Variants in NDST1 observed in about 807,000 individuals in gnomAD.
The protein encoded by NDST1 is bifunctional heparan sulfate N-deacetylase/N-sulfotransferase 1.
NDST1 carries 35 observed loss-of-function variants against 92.8 expected under a neutral mutation model. The ratio of observed to expected loss-of-function variants is 0.38; its 90% CI spans 0.29 to 0.50. NDST1 has a LOEUF of 0.50. Among genes scored for constraint, NDST1 ranks in the 20% least tolerant of loss-of-function variants. NDST1 has a pLI of 0.94. For synonymous variants in NDST1, 493 were observed against 500.3 expected (o/e 0.99, Z 0.19); for missense variants, 822 against 1,182.7 (o/e 0.69, Z 4.47).
rs573844205 is a variant in NDST1, at chr5:150,546,561, G to C, written c.2145+1075G>C. Among the ~76,000 whole-genome samples, 6 of 152,368 alleles carry C rather than the reference G, an allele frequency of 3.9e-5. 1 individual carries two copies. Among genetic ancestry groups the C allele is most frequent in the Admixed American group, 3.9e-4 (6 of 15,312 alleles). On this transcript the variant is annotated intron_variant, in intron 11 of 14. Transcript: ENST00000261797. ...CAGGCCTGTGCTTGGTGTTGGGGAG[G>C]GGGTGGGGCCCTGGGTCTTAGCCCA...
chr5:150,536,416 G>C (rs1414027324), intron 6 of NDST1, among the ~76,000 whole-genome samples: 1 of 151,904 alleles, frequency 6.6e-6, no homozygotes, highest in Non-Finnish European at 1.5e-5. Flanking sequence ...TGAGGCAGGA[G>C]GATCACTTGA....
chr5:150,553,857 C>T lies in NDST1; in HGVS notation c.*525C>T, dbSNP rs1249289568. ...CTAGGCTGGATGGGAGGGTGGCCCC[C>T]TCAAGAGGACTCCCAGCCTCCACAT... On this transcript the variant is annotated 3_prime_UTR_variant, in exon 15 of 15. Transcript: ENST00000261797. The surrounding 1 kb of genome is among the most constrained non-coding windows in gnomAD (Gnocchi z 4.2). The T allele has an allele frequency of 1.4e-5, 6 of 431,982 alleles. No homozygotes were observed. The highest frequency in any genetic ancestry group is 2.0e-5 in the Non-Finnish European group (5 of 244,650). 26.8% of individuals were successfully genotyped at this position (431,982 alleles called of 1,614,324 possible). A position where few individuals can be genotyped will look rare whatever the true frequency, so the allele number is the denominator to read the frequency against.
chr5:150,539,569 T>A (rs926429617), intron 7 of NDST1: 1 of 1,415,946 alleles, frequency 7.1e-7, no homozygotes, highest in Non-Finnish European at 9.2e-7. Flanking sequence ...TTCCTAATCA[T>A]GTACTTTAAT....
chr5:150,544,021 G>T (rs987693099), intron 10 of NDST1, among the ~76,000 whole-genome samples: 2 of 152,164 alleles, frequency 1.3e-5, no homozygotes, highest in Admixed American at 6.5e-5. Flanking sequence ...CTCGTGATCT[G>T]CCCGCCTCGG....
chr5:150,529,969 G>A (rs1754648161), intron 3 of NDST1, among the ~76,000 whole-genome samples: 1 of 152,200 alleles, frequency 6.6e-6, no homozygotes, highest in Non-Finnish European at 1.5e-5. Flanking sequence ...CACTGTCTGG[G>A]GAGTTAAGAC....
intron 4 of NDST1, among the ~76,000 whole-genome samples, chr5:150,533,654 C>A (rs1434426065): frequency 6.6e-6 from 1 of 152,198 alleles, no homozygotes; most frequent in African/African-American, 2.4e-5. Flanking sequence ...AGTGAGACAA[C>A]CTCTCTTGAA....
chr5:150,540,708 C>T (rs187433554), intron 8 of NDST1, among the ~76,000 whole-genome samples: 122 of 152,124 alleles, frequency 8.0e-4, no homozygotes, highest in African/African-American at 2.6e-3. Context: ...CCCAGCTACT[C>T]GTGAGGCAGA....
chr5:150,541,861 T>G, intron 9 of NDST1, among the ~76,000 whole-genome samples, 195 bp downstream of exon 9: 1 of 152,100 alleles, frequency 6.6e-6, no homozygotes, highest in East Asian at 1.9e-4. Context: ...GGCCTGGAGT[T>G]CTCCTATTTA....
intron 4 of NDST1, among the ~76,000 whole-genome samples, 166 bp downstream of exon 4, chr5:150,533,198 CA>C (rs1754824019): frequency 6.6e-6 from 1 of 152,236 alleles, no homozygotes; most frequent in Admixed American, 6.5e-5. Context: ...AGAGCAGTCA[CA>C]ACCCAGGCAG....
chr5:150,519,546 G>T (rs906951307), intron 1 of NDST1, among the ~76,000 whole-genome samples: 9 of 152,122 alleles, frequency 5.9e-5, no homozygotes. Context: ...CATCTCTACT[G>T]GCATGGTGGC....
rs112553256 is a variant in NDST1, at chr5:150,557,934, A to G, written c.*4602A>G. ...TTCTATGACTGTGTTAGCTTTTATT[A>G]TTAGCAAGAGGGCTCCTTTTGTAAT... On this transcript the variant is annotated 3_prime_UTR_variant, in exon 15 of 15. Coordinates refer to ENST00000261797, the MANE Select transcript of NDST1 (RefSeq NM_001543.5). The surrounding 1 kb of genome is among the most constrained non-coding windows in gnomAD (Gnocchi z 4.7). The G allele has an allele frequency of 1.3e-5, 1 of 75,922 alleles. No individual in the cohort carries two copies. Among genetic ancestry groups the G allele is most frequent in the Non-Finnish European group, 4.1e-5 (1 of 24,148 alleles). The allele number at this position is 75,922 out of a possible 1,614,324, so 4.7% of individuals were successfully genotyped here.
chr5:150,518,371 G>A (rs1032755837), intron 1 of NDST1, among the ~76,000 whole-genome samples: 7 of 151,734 alleles, frequency 4.6e-5, no homozygotes, highest in African/African-American at 1.7e-4. Context: ...GGTTCCTCAG[G>A]GTACTGGCAC....
chr5:150,517,797 T>TTA (rs1444323621), intron 1 of NDST1, among the ~76,000 whole-genome samples: 2 of 152,264 alleles, frequency 1.3e-5, no homozygotes, highest in African/African-American at 4.8e-5. Flanking sequence ...GTTAATCTGA[T>TTA]AGAGGGTCAC....
In NDST1 at chr5:150,542,833, C is replaced by T. The variant is rs570212028; in HGVS notation, c.1847-15C>T. ...GGGCTGGGCCCTGGGTCTCAGGTGTCTACCCTCCCCACAGGCACCACTGCC... is the reference window on the plus strand; with the variant it reads ...GGGCTGGGCCCTGGGTCTCAGGTGTTTACCCTCCCCACAGGCACCACTGCC... On this transcript the variant is annotated splice_polypyrimidine_tract_variant and intron_variant, in intron 9 of 14. Coordinates refer to ENST00000261797, the MANE Select transcript of NDST1 (RefSeq NM_001543.5). The T allele has an allele frequency of 8.1e-6, 13 of 1,614,022 alleles. No homozygotes were observed. The African/African-American group carries it at 1.1e-4, about 13-fold the overall frequency.
rs148987797 is a variant in NDST1 at position 150,530,349 on chromosome 5, A to G, written c.1008+2051A>G. On this transcript the variant is annotated intron_variant, in intron 3 of 14. Transcript: ENST00000261797. Reference sequence around the variant, plus strand: ...TGCCACCACCTGCCTCTGGCAAGGTAGATTGCTCTGTGTTCTACTCGAGGT... The same window carrying G: ...TGCCACCACCTGCCTCTGGCAAGGTGGATTGCTCTGTGTTCTACTCGAGGT... 5.1e-3 allele frequency among the ~76,000 whole-genome samples: 775 copies of G among 152,266 alleles called. 5 individuals carry two copies. The highest frequency in any genetic ancestry group is 0.017 in the African/African-American group (718 of 41,544).
At chr5:150,523,991 CGCTGTGT>C (rs1444807455) in intron 2 of NDST1, among the ~76,000 whole-genome samples, 1 of 152,220 alleles carries the variant, frequency 6.6e-6, no homozygotes, top group Non-Finnish European at 1.5e-5. Flanking sequence ...CCAACTTCCC[CGCTGTGT>C]GCTGGGCTTG....
chr5:150,523,807 C>T (rs902346796), intron 2 of NDST1, among the ~76,000 whole-genome samples: 1 of 152,146 alleles, frequency 6.6e-6, no homozygotes, highest in Non-Finnish European at 1.5e-5. Flanking sequence ...GGGAGGGGTG[C>T]GGGCATGTTC....
At chr5:150,548,454 C>T (rs1465283709) in intron 12 of NDST1, 66 bp downstream of exon 12, 1 of 1,561,462 alleles carries the variant, frequency 6.4e-7, no homozygotes. Flanking sequence ...TAGCGGAGAG[C>T]CTCCAACTCT....
At chr5:150,508,953 C>T (rs182989201) in intron 1 of NDST1, among the ~76,000 whole-genome samples, 126 of 152,248 alleles carry the variant, frequency 8.3e-4, no homozygotes, top group Admixed American at 2.2e-3. Context: ...GACTCACAGG[C>T]GGCAATGGAG....
Sources: gnomAD v4.1 joint callset for allele counts (sites outside exome capture counted in the v4.1 genomes callset) on GRCh38, gnomAD v4.1.1 for gene constraint, Gnocchi (gnomAD v3.1) non-coding constraint, MANE v1.5 for transcripts, NCBI Gene and HGNC (gene_info 2026-07-23, HGNC 2026-07-21) for gene names.